Variants in CCNI observed in about 807,000 individuals in gnomAD.
CCNI encodes the protein cyclin I.
A neutral mutation model predicts 34.1 loss-of-function variants in CCNI; 14 were observed. The ratio of observed to expected loss-of-function variants is 0.41; its 90% CI spans 0.27 to 0.64. CCNI has a LOEUF of 0.64. Among genes scored for constraint, CCNI ranks in the 30% least tolerant of loss-of-function variants. CCNI has a pLI of 0.31. For synonymous variants in CCNI, 154 were observed against 158.4 expected, an observed-to-expected ratio of 0.97 and a Z score of 0.21; for missense variants, 385 against 440.5, an observed-to-expected ratio of 0.87 and a Z score of 1.13.
In CCNI at chr4:77,075,688, G is replaced by A. The variant is rs1054383488; in HGVS notation, c.-260C>T. On this transcript the variant is annotated 5_prime_UTR_variant, in exon 1 of 7. Coordinates refer to ENST00000237654, the MANE Select transcript of CCNI (RefSeq NM_006835.3). Reference sequence around the variant, plus strand: ...GCGCTCGAGCGGGACGCACGGCTGCGGCCGCTGGGTCGGTCAGCGAATTAG... The same window carrying A: ...GCGCTCGAGCGGGACGCACGGCTGCAGCCGCTGGGTCGGTCAGCGAATTAG... The A allele has an allele frequency of 6.5e-6, 3 of 461,362 alleles. No individual in the cohort carries two copies. The highest frequency in any genetic ancestry group is 1.6e-4 in the East Asian group (1 of 6,338). The allele number at this position is 461,362 out of a possible 1,614,324, so 28.6% of individuals were successfully genotyped here. A position where few individuals can be genotyped will look rare whatever the true frequency, so the allele number is the denominator to read the frequency against.
chr4:77,059,747 G>A lies in CCNI; in HGVS notation c.115-1112C>T, dbSNP rs575349925. 4.6e-5 allele frequency among the ~76,000 whole-genome samples: 7 copies of A among 152,094 alleles called. No homozygotes were observed. The South Asian group carries it at 1.2e-3, about 27-fold the overall frequency. ...TATCTAGCTGTAATTCTGTATCCAG[G>A]CTACTTTAAGATCTAGTTCTGGACT... On this transcript the variant is annotated intron_variant, in intron 2 of 6. Transcript: ENST00000237654.
At chr4:77,056,582 C>T (rs957143844) in intron 3 of CCNI, 3 of 323,054 alleles carry the variant, frequency 9.3e-6, no homozygotes, top group South Asian at 4.7e-5. Flanking sequence ...GTGTCTAGAG[C>T]TAACTTTTTT....
At chr4:77,052,250 T>C (rs889268014) in intron 6 of CCNI, among the ~76,000 whole-genome samples, 4 of 152,126 alleles carry the variant, frequency 2.6e-5, no homozygotes, top group African/African-American at 7.2e-5. Flanking sequence ...TCACTCAGGA[T>C]AATGGCCTCC....
intron 2 of CCNI, among the ~76,000 whole-genome samples, chr4:77,062,974 A>C (rs1267473752): frequency 6.6e-6 from 1 of 152,242 alleles, no homozygotes; most frequent in South Asian, 2.1e-4. Flanking sequence ...CTTTGAGTCT[A>C]TTATATGCAA....
intron 2 of CCNI, among the ~76,000 whole-genome samples, chr4:77,065,963 T>C (rs1265446617): frequency 6.6e-6 from 1 of 152,162 alleles, no homozygotes; most frequent in Non-Finnish European, 1.5e-5. Context: ...TAGCCAGGCA[T>C]GGTAGCATGC....
chr4:77,075,102 A>AG (rs1349759726), intron 1 of CCNI: 2 of 152,030 alleles, frequency 1.3e-5, no homozygotes, highest in Admixed American at 6.6e-5. Context: ...GTTCAACCTG[A>AG]GGGTGGGGGT....
chr4:77,048,624 C>A lies in CCNI; in HGVS notation c.729G>T (p.Val243=). The change falls in exon 7 of 7, where the codon GTG becomes GTT. Residue 243 remains valine (V), a synonymous_variant. Coordinates refer to ENST00000237654, the MANE Select transcript of CCNI (RefSeq NM_006835.3). ...ACTGCAGAGTAGAAAGGTGATGTGCCACAAGCTCCCGACAATGGATCAACT... is the reference window on the plus strand; with the variant it reads ...ACTGCAGAGTAGAAAGGTGATGTGCAACAAGCTCCCGACAATGGATCAACT... The part of the protein sequence containing the change: ...SSQLIHCREL[V]AHHLSTLQSS... The A allele has an allele frequency of 6.4e-7, 1 of 1,567,522 alleles. No homozygotes were observed. Among genetic ancestry groups the A allele is most frequent in the South Asian group, 1.2e-5 (1 of 84,102 alleles).
Position 77,067,781 on chromosome 4 carries a change from T to C in CCNI, c.-43-1376A>G, listed in dbSNP as rs533571883. 1.8e-3 allele frequency among the ~76,000 whole-genome samples: 209 copies of C among 117,978 alleles called. 1 individual carries two copies. Among genetic ancestry groups the C allele is most frequent in the Admixed American group, 5.0e-3 (53 of 10,588 alleles). The allele number at this position is 117,978 out of a possible 152,430, so 77.4% of individuals were successfully genotyped here. On this transcript the variant is annotated intron_variant, in intron 1 of 6. Transcript: ENST00000237654. ...TACAGGTGTGAGCCACCGTGCAGGC[T>C]TCTAGGTTTAAAAAAAAAAAAAAAA...
chr4:77,050,924 A>T (rs1449570836), intron 6 of CCNI, among the ~76,000 whole-genome samples: 1 of 152,176 alleles, frequency 6.6e-6, no homozygotes, highest in East Asian at 1.9e-4. Context: ...CAGTCATCCC[A>T]CAGTATCCAT....
At chr4:77,063,912 G>A (rs1728817312) in intron 2 of CCNI, among the ~76,000 whole-genome samples, 1 of 151,966 alleles carries the variant, frequency 6.6e-6, no homozygotes, top group Admixed American at 6.6e-5. Context: ...TCTGTTCTCT[G>A]GTATTACCAC....
intron 1 of CCNI, among the ~76,000 whole-genome samples, chr4:77,070,078 C>T (rs2109845758): frequency 6.9e-6 from 1 of 145,642 alleles, no homozygotes; most frequent in East Asian, 2.0e-4. Flanking sequence ...AGTGTAGTGG[C>T]ACGATCTCGG....
chr4:77,063,756 C>G (rs1728803895), intron 2 of CCNI, among the ~76,000 whole-genome samples: 2 of 151,910 alleles, frequency 1.3e-5, no homozygotes, highest in Non-Finnish European at 2.9e-5. Context: ...ACTCAAGCCC[C>G]TATAGCCTTT....
intron 6 of CCNI, among the ~76,000 whole-genome samples, chr4:77,050,910 A>G (rs1347765850): frequency 6.6e-6 from 1 of 152,168 alleles, no homozygotes; most frequent in African/African-American, 2.4e-5. Flanking sequence ...CTAAAAAATA[A>G]GTACAGTCAT....
At chr4:77,071,052 G>C (rs1729430663) in intron 1 of CCNI, among the ~76,000 whole-genome samples, 1 of 152,240 alleles carries the variant, frequency 6.6e-6, no homozygotes, top group African/African-American at 2.4e-5. Context: ...CCCAACAACC[G>C]ACTGTCACTA....
At chr4:77,067,358 TA>T (rs1273998018) in intron 1 of CCNI, among the ~76,000 whole-genome samples, 1 of 152,148 alleles carries the variant, frequency 6.6e-6, no homozygotes, top group South Asian at 2.1e-4. Flanking sequence ...ATTAATACAG[TA>T]AGTTCTACTG....
chr4:77,048,653 A>G lies in CCNI; in HGVS notation c.700T>C (p.Ser234Pro). The G allele has an allele frequency of 6.6e-7, 1 of 1,525,898 alleles. No individual in the cohort carries two copies. Among genetic ancestry groups the G allele is most frequent in the Non-Finnish European group, 8.8e-7 (1 of 1,137,480 alleles). The allele number at this position is 1,525,898 out of a possible 1,614,324, so 94.5% of individuals were successfully genotyped here. ...ELLQKAQMDSSQLIHCRELVA... is the reference protein window; with the variant it reads ...ELLQKAQMDSPQLIHCRELVA... ...AGCTCCCGACAATGGATCAACTGGG[A>G]GCTATCCATCTGGGCCAGGAAAAAA... The change falls in exon 7 of 7, where the codon TCC (serine) becomes CCC (proline). Residue 234 changes from serine to proline, a missense_variant. This residue lies in a region of CCNI where 250 missense variants were observed against 248.7 expected (regional missense o/e 1.01). Coordinates refer to ENST00000237654, the MANE Select transcript of CCNI (RefSeq NM_006835.3).
chr4:77,050,070 T>C (rs1727723135), intron 6 of CCNI, among the ~76,000 whole-genome samples: 1 of 152,152 alleles, frequency 6.6e-6, no homozygotes, highest in South Asian at 2.1e-4. Context: ...TTTCCTAGCA[T>C]ACCCTCAACT....
intron 6 of CCNI, among the ~76,000 whole-genome samples, chr4:77,048,962 G>GTT (rs538284505): frequency 0.035 from 1,676 of 47,592 alleles, 339 homozygotes; most frequent in Non-Finnish European, 0.058. Context: ...TCCAACGTCT[G>GTT]TTTTTTTTTT....
At position 77,048,215 on chromosome 4, in the gene CCNI, G is replaced by T. The variant is rs756112120; in HGVS notation, c.*4C>A. ...TTTACACTCAAAGGTAGCACTTGTT[G>T]AAACTACATGACAGAAACAGGCTGC... On this transcript the variant is annotated 3_prime_UTR_variant, in exon 7 of 7. Coordinates refer to ENST00000237654, the MANE Select transcript of CCNI (RefSeq NM_006835.3). 6.2e-7 allele frequency: 1 copy of T among 1,609,098 alleles called. No homozygotes were observed. Among genetic ancestry groups the T allele is most frequent in the African/African-American group, 1.3e-5 (1 of 74,668 alleles).
Sources: gnomAD v4.1 joint callset for allele counts (sites outside exome capture counted in the v4.1 genomes callset) on GRCh38, gnomAD v4.1.1 for gene constraint, gnomAD v4.1.1 regional missense constraint, MANE v1.5 for transcripts, NCBI Gene and HGNC (gene_info 2026-07-23, HGNC 2026-07-21) for gene names.